FUT8: variants seen among roughly 807,000 people sequenced by gnomAD.
The protein encoded by FUT8 is fucosyltransferase 8.
In FUT8, 29 loss-of-function variants were observed where a neutral mutation model predicts 71.3. That is an observed-to-expected ratio of 0.41 (90% CI 0.30 to 0.55). The LOEUF (loss-of-function observed/expected upper bound fraction) is 0.55, where lower values mean the gene tolerates loss of function less well. Ranked by LOEUF, FUT8 falls within the 20% of genes least tolerant of loss-of-function variation. The pLI is 0.34. For missense variants in FUT8, 544 were observed against 702.1 expected, an observed-to-expected ratio of 0.77 and a Z score of 2.55; for synonymous variants, 254 against 239.3, an observed-to-expected ratio of 1.06 and a Z score of -0.57.
At chr14:65,635,175 T>A (rs1890479910) in intron 6 of FUT8, among the ~76,000 whole-genome samples, 1 of 152,160 alleles carries the variant, frequency 6.6e-6, no homozygotes, top group Non-Finnish European at 1.5e-5. Flanking sequence ...GAGCTACTGA[T>A]TTGTGTATGT....
the FUT8 span, among the ~76,000 whole-genome samples, chr14:65,383,891 C>T: frequency 1.3e-5 from 2 of 151,200 alleles, no homozygotes; most frequent in Non-Finnish European, 3.0e-5. Flanking sequence ...GCCCAAAGGT[C>T]CCATGGGATG....
intron 2 of FUT8, among the ~76,000 whole-genome samples, chr14:65,518,634 C>T (rs932135804): frequency 2.6e-5 from 4 of 152,154 alleles, no homozygotes; most frequent in Admixed American, 1.3e-4. Context: ...AAGTGAATCT[C>T]GTGCCTCCAC....
intron 2 of FUT8, among the ~76,000 whole-genome samples, chr14:65,528,163 C>T (rs948032957): frequency 6.6e-6 from 1 of 152,242 alleles, no homozygotes; most frequent in Non-Finnish European, 1.5e-5. Flanking sequence ...TCTGCAGAGG[C>T]AGGCAGGCCT....
intron 3 of FUT8, among the ~76,000 whole-genome samples, chr14:65,595,255 A>G (rs185318142): frequency 5.9e-5 from 9 of 152,324 alleles, no homozygotes; most frequent in Admixed American, 4.6e-4. Flanking sequence ...GATATGGTTA[A>G]TATGAGAGGA....
intron 3 of FUT8, among the ~76,000 whole-genome samples, chr14:65,583,974 G>A (rs1003871024): frequency 2.0e-5 from 3 of 152,112 alleles, no homozygotes; most frequent in African/African-American, 4.8e-5. Context: ...CTGCCTCTCC[G>A]GTTCACACCA....
chr14:65,622,914 T>TTG (rs1387215829), intron 5 of FUT8, among the ~76,000 whole-genome samples: 3 of 149,738 alleles, frequency 2.0e-5, no homozygotes, highest in Non-Finnish European at 4.5e-5. Context: ...TTCTCTGTTT[T>TTG]TTTTTTTTTT....
intron 9 of FUT8, among the ~76,000 whole-genome samples, chr14:65,726,804 G>T (rs1895708458): frequency 6.6e-6 from 1 of 152,144 alleles, no homozygotes; most frequent in African/African-American, 2.4e-5. Context: ...TCGAAGACAA[G>T]GCAAGTCCCT....
intron 2 of FUT8, among the ~76,000 whole-genome samples, chr14:65,475,796 T>C (rs1051973274): frequency 6.6e-6 from 1 of 151,440 alleles, no homozygotes; most frequent in Non-Finnish European, 1.5e-5. Flanking sequence ...GGGCAAAAAG[T>C]GTAAGGATGG....
At chr14:65,597,548 G>T (rs565095178) in intron 3 of FUT8, among the ~76,000 whole-genome samples, 1 of 151,866 alleles carries the variant, frequency 6.6e-6, no homozygotes, top group South Asian at 2.1e-4. Context: ...GTGTGAACCC[G>T]GGAGGCGGAG....
intron 7 of FUT8, among the ~76,000 whole-genome samples, chr14:65,715,587 C>T (rs1343943273): frequency 6.6e-6 from 1 of 152,140 alleles, no homozygotes; most frequent in African/African-American, 2.4e-5. Flanking sequence ...TTGATGTAGA[C>T]ACTTACTGCT....
intron 5 of FUT8, among the ~76,000 whole-genome samples, chr14:65,621,370 C>T (rs1889600503): frequency 6.6e-6 from 1 of 151,930 alleles, no homozygotes; most frequent in Non-Finnish European, 1.5e-5. Flanking sequence ...CTGCCTCAGC[C>T]TCCTGAGTAT....
Position 65,716,801 on chromosome 14 carries a change from A to G in FUT8, c.836-4974A>G, listed in dbSNP as rs1488215564. Among the ~76,000 whole-genome samples, 5 of 151,468 alleles carry G rather than the reference A, an allele frequency of 3.3e-5. No individual in the cohort carries two copies. In the East Asian group the frequency reaches 9.8e-4, roughly 30 times the overall value. On this transcript the variant is annotated intron_variant, in intron 7 of 10. Transcript: ENST00000673929. ...GGGCAGCCAGGCAGAGGCACTCCTC[A>G]CTTCCCAGACGGGGCGGCCGGGCAG...
At chr14:65,383,249 TTTTTCTTTTTC>T in the FUT8 span, among the ~76,000 whole-genome samples, 6 of 147,238 alleles carry the variant, frequency 4.1e-5, no homozygotes, top group Admixed American at 2.8e-4. Flanking sequence ...ATTGGATTCT[TTTTTCTTTTTC>T]TTTTCTTTTT....
At chr14:65,633,244 C>T (rs1216884525) in intron 6 of FUT8, among the ~76,000 whole-genome samples, 2 of 152,214 alleles carry the variant, frequency 1.3e-5, no homozygotes, top group African/African-American at 4.8e-5. Flanking sequence ...TGGTCTCCAG[C>T]TCCTAACCGC....
chr14:65,421,242 C>T (rs906070429), intron 1 of FUT8, among the ~76,000 whole-genome samples: 7 of 149,892 alleles, frequency 4.7e-5, no homozygotes, highest in African/African-American at 1.7e-4. Flanking sequence ...AATATATTTA[C>T]TCTTCATTAA....
At chr14:65,518,557 A>G (rs1024128838) in intron 2 of FUT8, among the ~76,000 whole-genome samples, 9 of 151,962 alleles carry the variant, frequency 5.9e-5, no homozygotes, top group African/African-American at 2.2e-4. Flanking sequence ...AGACAGTCTC[A>G]CTCTGTCGCC....
At chr14:65,407,583 T>A (rs918943939), upstream of FUT8, among the ~76,000 whole-genome samples, 2 of 152,256 alleles carry the variant, frequency 1.3e-5, no homozygotes, top group African/African-American at 4.8e-5. Flanking sequence ...GGTGAAGGTA[T>A]GAGCCATAAT....
intron 2 of FUT8, among the ~76,000 whole-genome samples, chr14:65,526,372 G>T (rs7144415): frequency 1.3e-5 from 2 of 151,992 alleles, no homozygotes; most frequent in South Asian, 4.2e-4. Flanking sequence ...TTATCAGAGA[G>T]TAGGATTGCA....
At chr14:65,451,822 A>AT (rs1277416672) in intron 1 of FUT8, among the ~76,000 whole-genome samples, 1 of 152,122 alleles carries the variant, frequency 6.6e-6, no homozygotes, top group Non-Finnish European at 1.5e-5. Flanking sequence ...CCTCTCTCCA[A>AT]TATCTAGCCA....
Sources: gnomAD v4.1 joint callset for allele counts (sites outside exome capture counted in the v4.1 genomes callset) on GRCh38, gnomAD v4.1.1 for gene constraint, MANE v1.5 for transcripts, NCBI Gene and HGNC (gene_info 2026-07-23, HGNC 2026-07-21) for gene names.